The following AHCYL2 variants were observed in gnomAD, a reference collection of about 807,000 sequenced individuals.
AHCYL2 encodes the protein adenosylhomocysteinase like 2.
AHCYL2 carries 28 observed loss-of-function variants against 81.4 expected under a neutral mutation model. The observed-to-expected ratio is 0.34, with a 90% CI of 0.25 to 0.47. The LOEUF is 0.47. Among genes scored for constraint, AHCYL2 ranks in the 20% least tolerant of loss-of-function variants. AHCYL2 has a pLI of 1.00. For missense variants in AHCYL2, 551 were observed against 785.1 expected (o/e 0.70, Z 3.56); for synonymous variants, 272 against 290.2 (o/e 0.94, Z 0.64).
At chr7:129,327,914 C>T (rs1342178118) in intron 1 of AHCYL2, among the ~76,000 whole-genome samples, 1 of 152,150 alleles carries the variant, frequency 6.6e-6, no homozygotes, top group Non-Finnish European at 1.5e-5. Flanking sequence ...CTGACTCAGC[C>T]TCCCCAGTAG....
At chr7:129,404,242 A>C (rs1037786363) in intron 7 of AHCYL2, among the ~76,000 whole-genome samples, 1 of 152,318 alleles carries the variant, frequency 6.6e-6, no homozygotes, top group East Asian at 1.9e-4. Context: ...ACATTCTTAC[A>C]TGGAGAGCAA....
At chr7:129,399,724 CTTT>C (rs778217871) in intron 5 of AHCYL2, among the ~76,000 whole-genome samples, 2 of 122,370 alleles carry the variant, frequency 1.6e-5, no homozygotes, top group African/African-American at 6.4e-5. Context: ...CCTTTAGTCA[CTTT>C]TTTTTTTTTT....
chr7:129,286,216 A>G (rs1796624432), intron 1 of AHCYL2, among the ~76,000 whole-genome samples: 1 of 151,978 alleles, frequency 6.6e-6, no homozygotes, highest in South Asian at 2.1e-4. Context: ...AGTAGTTCTC[A>G]AACTTTTTTG....
At chr7:129,338,246 T>C (rs1430656956) in intron 1 of AHCYL2, among the ~76,000 whole-genome samples, 2 of 151,964 alleles carry the variant, frequency 1.3e-5, no homozygotes, top group Non-Finnish European at 2.9e-5. Context: ...ACTCCTTGGC[T>C]CAAGCAATCC....
At chr7:129,238,972 A>C (rs1400758650) in intron 1 of AHCYL2, among the ~76,000 whole-genome samples, 2 of 152,130 alleles carry the variant, frequency 1.3e-5, no homozygotes, top group East Asian at 3.8e-4. Flanking sequence ...AACCTTTGTG[A>C]GGTTTCCTTG....
intron 1 of AHCYL2, among the ~76,000 whole-genome samples, chr7:129,245,544 C>G (rs1795022725): frequency 6.6e-6 from 1 of 151,308 alleles, no homozygotes; most frequent in African/African-American, 2.4e-5. Context: ...AATCACCATT[C>G]TATTTTGTCT....
intron 1 of AHCYL2, among the ~76,000 whole-genome samples, chr7:129,305,407 C>T (rs1374071833): frequency 1.3e-5 from 2 of 152,186 alleles, no homozygotes; most frequent in Non-Finnish European, 2.9e-5. Flanking sequence ...TTGCAGTGAA[C>T]TGAAATCGTG....
At chr7:129,297,383 A>T (rs1006603039) in intron 1 of AHCYL2, among the ~76,000 whole-genome samples, 1 of 152,198 alleles carries the variant, frequency 6.6e-6, no homozygotes, top group African/African-American at 2.4e-5. Flanking sequence ...CATAGGGTAG[A>T]CAGGCCCCAA....
intron 12 of AHCYL2, among the ~76,000 whole-genome samples, 170 bp downstream of exon 12, chr7:129,413,858 G>A (rs930351293): frequency 6.6e-5 from 10 of 152,132 alleles, no homozygotes; most frequent in South Asian, 2.1e-4. Context: ...AGACTATAAA[G>A]TTTCTTCATC....
At chr7:129,410,535 G>A (rs929850014) in intron 11 of AHCYL2, among the ~76,000 whole-genome samples, 2 of 152,178 alleles carry the variant, frequency 1.3e-5, no homozygotes, top group Non-Finnish European at 2.9e-5. Flanking sequence ...TTTTCAAGCC[G>A]ACCTAGCCCC....
intron 2 of AHCYL2, among the ~76,000 whole-genome samples, chr7:129,385,109 T>C (rs2150897082): frequency 6.6e-6 from 1 of 152,294 alleles, no homozygotes; most frequent in South Asian, 2.1e-4. Flanking sequence ...TTCTTCACGA[T>C]TGGTTCTTTT....
At chr7:129,407,050 A>G (rs1019611176) in intron 10 of AHCYL2, among the ~76,000 whole-genome samples, 2 of 152,208 alleles carry the variant, frequency 1.3e-5, no homozygotes, top group Non-Finnish European at 2.9e-5. Context: ...GAGTTCAGTA[A>G]AATAATAATT....
At chr7:129,305,042 C>T (rs1229494912) in intron 1 of AHCYL2, among the ~76,000 whole-genome samples, 2 of 150,898 alleles carry the variant, frequency 1.3e-5, no homozygotes, top group African/African-American at 4.9e-5. Flanking sequence ...TTATTTTTTG[C>T]ATATCCACTA....
chr7:129,264,751 C>A (rs1795759967), intron 1 of AHCYL2, among the ~76,000 whole-genome samples: 1 of 152,136 alleles, frequency 6.6e-6, no homozygotes, highest in Admixed American at 6.5e-5. Context: ...TTATGGGCCA[C>A]CCACGTGGAT....
Position 129,280,178 on chromosome 7 carries a change from C to CTTTTTTTTTTTTTTT in AHCYL2, c.363+54750_363+54751insTTTTTTTTTTTTTTT, listed in dbSNP as rs59849233. Among the ~76,000 whole-genome samples, 98 of 112,542 alleles carry CTTTTTTTTTTTTTTT rather than the reference C, an allele frequency of 8.7e-4. 4 individuals are homozygous for CTTTTTTTTTTTTTTT. Among genetic ancestry groups the CTTTTTTTTTTTTTTT allele is most frequent in the East Asian group, 3.6e-3 (13 of 3,570 alleles). The allele number at this position is 112,542 out of a possible 152,430, so 73.8% of individuals were successfully genotyped here. A position where few individuals can be genotyped will look rare whatever the true frequency, so the allele number is the denominator to read the frequency against. On this transcript the variant is annotated intron_variant, in intron 1 of 16. Coordinates refer to ENST00000325006, the MANE Select transcript of AHCYL2 (RefSeq NM_015328.4). ...TTATAGTCTTTAAGTTTGCTAAATACTTTTTTTTTTTGAGAGAGTCTCGCT... is the reference window on the plus strand; with the variant it reads ...TTATAGTCTTTAAGTTTGCTAAATACTTTTTTTTTTTTTTTTTTTTTTTTTTGAGAGAGTCTCGCT...
At chr7:129,339,336 T>G (rs1793076674) in intron 1 of AHCYL2, among the ~76,000 whole-genome samples, 1 of 152,224 alleles carries the variant, frequency 6.6e-6, no homozygotes, top group Non-Finnish European at 1.5e-5. Flanking sequence ...ATGTAGTCTT[T>G]GACCAAATTA....
chr7:129,271,359 CAAA>C (rs3042852), intron 1 of AHCYL2, among the ~76,000 whole-genome samples: 77 of 86,778 alleles, frequency 8.9e-4, no homozygotes, highest in Non-Finnish European at 9.9e-4. Flanking sequence ...AGACTGTCTC[CAAA>C]AAAAAAAAAA....
chr7:129,368,507 G>A lies in AHCYL2; in HGVS notation c.364-11131G>A. ...CCAAGCCTGCACTATGGAGAAGTGG[G>A]ACGGTAATGAGGGCACCTCAGCTTT... On this transcript the variant is annotated intron_variant, in intron 1 of 16. Coordinates refer to ENST00000325006, the MANE Select transcript of AHCYL2 (RefSeq NM_015328.4). This position sits in a 1 kb window ranked among gnomAD's most constrained non-coding sequence, Gnocchi z 4.4. 2 of 1,614,038 alleles carry A rather than the reference G, an allele frequency of 1.2e-6. No individual in the cohort carries two copies. Among genetic ancestry groups the A allele is most frequent in the Non-Finnish European group, 1.7e-6 (2 of 1,179,890 alleles).
chr7:129,403,860 C>CAAAAAAAA lies in AHCYL2; in HGVS notation c.1025+399_1025+406dup, dbSNP rs34806455. On this transcript the variant is annotated intron_variant, in intron 7 of 16. Coordinates refer to ENST00000325006, the MANE Select transcript of AHCYL2 (RefSeq NM_015328.4). ...TGGGTGACAGAGCGAGACTCCATCT[C>CAAAAAAAA]AAAAAAAAAAAAAAAAAAAAAAAAA... is the stretch of plus-strand genomic sequence containing the variant. 9.0e-3 allele frequency among the ~76,000 whole-genome samples: 723 copies of CAAAAAAAA among 80,142 alleles called. 76 individuals carry two copies. The highest frequency in any genetic ancestry group is 0.015 in the Non-Finnish European group (562 of 37,460). The allele number at this position is 80,142 out of a possible 152,430, so 52.6% of individuals were successfully genotyped here. A position where few individuals can be genotyped will look rare whatever the true frequency, so the allele number is the denominator to read the frequency against.
Sources: gnomAD v4.1 joint callset for allele counts (sites outside exome capture counted in the v4.1 genomes callset) on GRCh38, gnomAD v4.1.1 for gene constraint, Gnocchi (gnomAD v3.1) non-coding constraint, MANE v1.5 for transcripts, NCBI Gene and HGNC (gene_info 2026-07-23, HGNC 2026-07-21) for gene names.